Variants in ANXA5 observed in about 807,000 individuals in gnomAD.
ANXA5 encodes the protein CBP-I.
ANXA5 carries 40 observed loss-of-function variants against 48.1 expected under a neutral mutation model. The observed-to-expected ratio is 0.83, with a 90% confidence interval of 0.65 to 1.08. The LOEUF (loss-of-function observed/expected upper bound fraction) is 1.08, where lower values mean the gene tolerates loss of function less well. ANXA5 is among the 50% of genes least tolerant of loss of function. The pLI is 0.00. For missense variants in ANXA5, 357 were observed against 376.8 expected (o/e 0.95, Z 0.44); for synonymous variants, 113 against 129.1 (o/e 0.88, Z 0.85).
chr4:121,681,615 G>A, intron 6 of ANXA5, 56 bp downstream of exon 6: 2 of 1,220,792 alleles, frequency 1.6e-6, no homozygotes. Flanking sequence ...TCAAATCACA[G>A]AAATGAAGGA....
chr4:121,669,392 C>G, intron 12 of ANXA5: 1 of 584,540 alleles, frequency 1.7e-6, no homozygotes, highest in Admixed American at 2.9e-5. Context: ...TCACCAAGAG[C>G]CTCAGCCACA....
intron 8 of ANXA5, among the ~76,000 whole-genome samples, chr4:121,675,828 G>A (rs531287749): frequency 3.9e-5 from 6 of 152,314 alleles, no homozygotes; most frequent in African/African-American, 9.6e-5. Context: ...TCCCAGGTGC[G>A]CCACATGCCC....
chr4:121,683,647 T>C (rs899213524), intron 4 of ANXA5, among the ~76,000 whole-genome samples, 170 bp from the exon 5 acceptor site: 1 of 152,100 alleles, frequency 6.6e-6, no homozygotes, highest in African/African-American at 2.4e-5. Context: ...ACTTTTAACC[T>C]GTGACCAAAA....
At chr4:121,682,322 G>C (rs925330625) in intron 5 of ANXA5, among the ~76,000 whole-genome samples, 1 of 151,832 alleles carries the variant, frequency 6.6e-6, no homozygotes, top group African/African-American at 2.4e-5. Context: ...CTTGCTTTCT[G>C]GATTTTTGAA....
At chr4:121,676,855 G>A (rs749199835) in intron 8 of ANXA5, among the ~76,000 whole-genome samples, 4 of 152,146 alleles carry the variant, frequency 2.6e-5, no homozygotes, top group Non-Finnish European at 4.4e-5. Flanking sequence ...AAAGGGGCTT[G>A]TAACCCATTC....
chr4:121,692,624 T>C (rs79681346), intron 2 of ANXA5, among the ~76,000 whole-genome samples: 2,628 of 152,362 alleles, frequency 0.017, 33 homozygotes, highest in East Asian at 0.042. Flanking sequence ...CCAAACTCTT[T>C]TACACCCCTA....
intron 6 of ANXA5, among the ~76,000 whole-genome samples, chr4:121,679,117 G>A (rs1457545240): frequency 1.3e-5 from 2 of 151,830 alleles, no homozygotes; most frequent in Non-Finnish European, 2.9e-5. Context: ...AGGAAAGGAG[G>A]CCTTACTCTA....
intron 1 of ANXA5, 77 bp from the exon 2 acceptor site, chr4:121,696,701 C>T (rs1340899175): frequency 3.9e-6 from 4 of 1,034,290 alleles, no homozygotes; most frequent in East Asian, 3.3e-5. Context: ...TCCGCGGGGA[C>T]CCGGCGGCGC....
rs191372468 is a variant in ANXA5, at chr4:121,683,977, T to C, written c.190-500A>G. ...GGAGATATCTGTTCCTATGGGGAAA[T>C]TGTGTATGTAATTATGAAAAAATTA... On this transcript the variant is annotated intron_variant, in intron 4 of 12. Transcript: ENST00000296511. Among the ~76,000 whole-genome samples the C allele has an allele frequency of 3.9e-5, 6 of 152,150 alleles. No homozygotes were observed. The East Asian group carries it at 9.6e-4, about 24-fold the overall frequency.
chr4:121,686,165 T>C, intron 3 of ANXA5, 123 bp downstream of exon 3: 2 of 745,150 alleles, frequency 2.7e-6, no homozygotes, highest in Non-Finnish European at 4.4e-6. Flanking sequence ...TTTGTTATCT[T>C]AACATATCTC....
At chr4:121,668,642 T>C (rs1302156268) in intron 12 of ANXA5, 115 bp from the exon 13 acceptor site, 2 of 812,472 alleles carry the variant, frequency 2.5e-6, no homozygotes, top group Non-Finnish European at 4.1e-6. Flanking sequence ...AAGTGGGTAA[T>C]CTCTGTGACT....
intron 5 of ANXA5, among the ~76,000 whole-genome samples, chr4:121,682,271 A>G (rs1343256462): frequency 1.3e-5 from 2 of 152,152 alleles, no homozygotes; most frequent in Non-Finnish European, 2.9e-5. Context: ...ATATAGCAAT[A>G]CTTAATTATT....
chr4:121,684,519 G>A (rs983415166), intron 4 of ANXA5, among the ~76,000 whole-genome samples, 158 bp downstream of exon 4: 2 of 152,190 alleles, frequency 1.3e-5, no homozygotes, highest in Admixed American at 6.5e-5. Context: ...TGTATCCTAA[G>A]AGCTGATAAT....
chr4:121,691,896 G>A (rs1250401435), intron 2 of ANXA5, among the ~76,000 whole-genome samples: 1 of 152,132 alleles, frequency 6.6e-6, no homozygotes, highest in Non-Finnish European at 1.5e-5. Context: ...ATTATGCTTT[G>A]AGCTGTAAAG....
rs1326025963 is a variant in ANXA5 at position 121,694,107 on chromosome 4, G to C, written c.9+2474C>G. Among the ~76,000 whole-genome samples, 36 of 43,604 alleles carry C rather than the reference G, an allele frequency of 8.3e-4. 6 individuals are homozygous for C. Among genetic ancestry groups the C allele is most frequent in the African/African-American group, 2.1e-3 (16 of 7,568 alleles). The allele number at this position is 43,604 out of a possible 152,430, so 28.6% of individuals were successfully genotyped here. On this transcript the variant is annotated intron_variant, in intron 2 of 12. Coordinates refer to ENST00000296511, the MANE Select transcript of ANXA5 (RefSeq NM_001154.4). ...ACACCGGGGCCTATTGTGGGCGGGG[G>C]GGAGGGGGGAGGGATAGCATTAGGA...
chr4:121,670,601 C>G (rs1464572286), intron 10 of ANXA5, among the ~76,000 whole-genome samples: 3 of 146,558 alleles, frequency 2.0e-5, no homozygotes, highest in Non-Finnish European at 4.6e-5. Context: ...CTGCTCAGAC[C>G]TCAGTCTGCT....
intron 2 of ANXA5, among the ~76,000 whole-genome samples, chr4:121,696,122 A>AGAC: frequency 6.6e-6 from 1 of 151,036 alleles, no homozygotes; most frequent in Non-Finnish European, 1.5e-5. Flanking sequence ...GCCAATGCTC[A>AGAC]ATCACAGTAT....
At position 121,678,461 on chromosome 4, in the gene ANXA5, C is replaced by T. The variant is rs1413993753; in HGVS notation, c.428G>A (p.Gly143Glu). The change falls in exon 7 of 13, where the codon GGG becomes GAG. Residue 143 changes from glycine (G) to glutamate (E), a missense_variant. By Grantham distance (98) the Gly-to-Glu change is moderately conservative. Transcript: ENST00000296511. ...YGSSLEDDVV[G>E]DTSGYYQRML... ...CCGCTGGTAGTACCCTGAAGTGTCCCCCACCACGTCATCTTCCAGGCTTGA... is the reference window on the plus strand; with the variant it reads ...CCGCTGGTAGTACCCTGAAGTGTCCTCCACCACGTCATCTTCCAGGCTTGA... The T allele has an allele frequency of 1.2e-6, 2 of 1,613,804 alleles. No homozygotes were observed. Among genetic ancestry groups the T allele is most frequent in the African/African-American group, 1.3e-5 (1 of 75,024 alleles).
chr4:121,669,551 T>C (rs199526353), intron 12 of ANXA5, 51 bp downstream of exon 12: 18 of 1,607,696 alleles, frequency 1.1e-5, no homozygotes, highest in Non-Finnish European at 1.4e-5. Flanking sequence ...TCATGCAACA[T>C]ACCAGTCTGC....
Sources: gnomAD v4.1 joint callset for allele counts (sites outside exome capture counted in the v4.1 genomes callset) on GRCh38, gnomAD v4.1.1 for gene constraint, MANE v1.5 for transcripts, NCBI Gene and HGNC (gene_info 2026-07-23, HGNC 2026-07-21) for gene names.